The following NAPB variants were observed in gnomAD, a reference collection of about 807,000 sequenced individuals.
The protein encoded by NAPB is beta-soluble NSF attachment protein.
Under a neutral mutation model 44.7 loss-of-function variants are expected in NAPB, and 26 were observed. That is an observed-to-expected ratio of 0.58 (90% CI 0.43 to 0.81). NAPB has a LOEUF of 0.81. Among genes scored for constraint, NAPB ranks in the 30% least tolerant of loss-of-function variants. The probability of loss-of-function intolerance (pLI) is 0.00; values close to 1 mark genes in which losing one functional copy is unlikely to be tolerated. For synonymous variants in NAPB, 120 were observed against 116.8 expected (o/e 1.03, Z -0.18); for missense variants, 315 against 356.4 (o/e 0.88, Z 0.94).
At chr20:23,396,881 C>T (rs1409288883) in intron 3 of NAPB, 191 bp downstream of exon 3, 1 of 396,394 alleles carries the variant, frequency 2.5e-6, no homozygotes, top group African/African-American at 2.1e-5. Flanking sequence ...CATAATTTCT[C>T]CTCATAAAAG....
At chr20:23,381,135 AT>A in intron 8 of NAPB, 77 bp downstream of exon 8, 2 of 979,646 alleles carry the variant, frequency 2.0e-6, no homozygotes, top group Non-Finnish European at 3.3e-6. Context: ...TCAAAATGAA[AT>A]GATACCAAGA....
In NAPB at chr20:23,379,955, C is replaced by T; in HGVS notation, c.667-20G>A. 1 of 1,604,338 alleles carries T rather than the reference C, an allele frequency of 6.2e-7. No individual in the cohort carries two copies. The highest frequency in any genetic ancestry group is 8.5e-7 in the Non-Finnish European group (1 of 1,172,050). On this transcript the variant is annotated intron_variant, in intron 8 of 10. Coordinates refer to ENST00000377026, the MANE Select transcript of NAPB (RefSeq NM_022080.3). Reference sequence around the variant, plus strand: ...AGCAAGCTGAGAGAGAAAAACCACTCATCAATTTCAGACTTACTAAACAAA... The same window carrying T: ...AGCAAGCTGAGAGAGAAAAACCACTTATCAATTTCAGACTTACTAAACAAA...
chr20:23,387,116 C>T (rs1228956674), intron 7 of NAPB, among the ~76,000 whole-genome samples: 2 of 151,934 alleles, frequency 1.3e-5, no homozygotes, highest in Admixed American at 1.3e-4. Flanking sequence ...AAAAGTCTGA[C>T]AAATAAAGGA....
Position 23,395,003 on chromosome 20 carries a change from G to A in NAPB, c.343-4C>T. The stretch of plus-strand genomic sequence containing the variant: ...TGGCTGCAATTGTAAACCTTCCCTA[G>A]GGGAAAAAACAAGAAACAGTCACAC... On this transcript the variant is annotated splice_polypyrimidine_tract_variant and splice_region_variant and intron_variant, in intron 4 of 10. Transcript: ENST00000377026. 2 of 1,613,974 alleles carry A rather than the reference G, an allele frequency of 1.2e-6. No homozygotes were observed. Among genetic ancestry groups the A allele is most frequent in the Non-Finnish European group, 1.7e-6 (2 of 1,179,942 alleles).
chr20:23,405,313 AAG>A (rs71330888), intron 1 of NAPB, among the ~76,000 whole-genome samples: 4 of 140,112 alleles, frequency 2.9e-5, no homozygotes, highest in African/African-American at 2.5e-5. Context: ...GAGACAGAGA[AAG>A]AGAGAGAGAG....
intron 2 of NAPB, among the ~76,000 whole-genome samples, chr20:23,398,278 C>T (rs1354062620): frequency 6.6e-6 from 1 of 152,132 alleles, no homozygotes; most frequent in Admixed American, 6.5e-5. Flanking sequence ...TATCACAAAG[C>T]CTTTAGGTTT....
At chr20:23,382,288 C>G (rs956616906) in intron 7 of NAPB, among the ~76,000 whole-genome samples, 1 of 151,788 alleles carries the variant, frequency 6.6e-6, no homozygotes, top group African/African-American at 2.4e-5. Flanking sequence ...AATGAGGTAA[C>G]ATCCCCACCT....
intron 5 of NAPB, among the ~76,000 whole-genome samples, chr20:23,392,006 C>T (rs1983995265): frequency 6.6e-6 from 1 of 152,192 alleles, no homozygotes; most frequent in African/African-American, 2.4e-5. Context: ...GACAAGAAAA[C>T]AAATAAAACA....
In NAPB at chr20:23,379,688, A is replaced by G. The variant is rs568690976; in HGVS notation, c.735+179T>C. The G allele has an allele frequency of 1.6e-4, 104 of 665,922 alleles. No homozygotes were observed. In the African/African-American group the frequency reaches 1.8e-3, roughly 12 times the overall value. 41.3% of individuals were successfully genotyped at this position (665,922 alleles called of 1,614,324 possible). A position where few individuals can be genotyped will look rare whatever the true frequency, so the allele number is the denominator to read the frequency against. ...TCTCAGGTGCCTATTTCAGAACACA[A>G]CTACATGTTTCTGACCTTAATTGCA... On this transcript the variant is annotated intron_variant, in intron 9 of 10. Transcript: ENST00000377026.
chr20:23,399,815 T>C (rs948689671), intron 2 of NAPB, among the ~76,000 whole-genome samples: 1 of 152,234 alleles, frequency 6.6e-6, no homozygotes. Context: ...AAGAACGTAG[T>C]AATAGCTTGG....
chr20:23,411,528 A>G (rs1985653364), intron 1 of NAPB, among the ~76,000 whole-genome samples: 1 of 152,180 alleles, frequency 6.6e-6, no homozygotes, highest in East Asian at 1.9e-4. Context: ...AGCTGAAATG[A>G]CTGGTGGTGT....
Position 23,379,551 on chromosome 20 carries a change from A to C in NAPB, c.736-56T>G, listed in dbSNP as rs1292220821. ...TTCTGTAAGATGAAGTCCCATTTCT[A>C]AATATATACTTTAAGTATAATACCA... On this transcript the variant is annotated intron_variant, in intron 9 of 10. Coordinates refer to ENST00000377026, the MANE Select transcript of NAPB (RefSeq NM_022080.3). 3.8e-6 allele frequency: 5 copies of C among 1,306,094 alleles called. No homozygotes were observed. In the East Asian group the frequency reaches 1.2e-4, roughly 30 times the overall value. The allele number at this position is 1,306,094 out of a possible 1,614,324, so 80.9% of individuals were successfully genotyped here. A position where few individuals can be genotyped will look rare whatever the true frequency, so the allele number is the denominator to read the frequency against.
intron 2 of NAPB, among the ~76,000 whole-genome samples, chr20:23,401,914 A>G (rs1282830666): frequency 1.3e-5 from 2 of 152,168 alleles, no homozygotes; most frequent in Non-Finnish European, 2.9e-5. Flanking sequence ...TTAAGTAAGT[A>G]AATAAATAAG....
At chr20:23,399,072 G>A (rs1197436529) in intron 2 of NAPB, among the ~76,000 whole-genome samples, 3 of 151,870 alleles carry the variant, frequency 2.0e-5, no homozygotes, top group Non-Finnish European at 4.4e-5. Flanking sequence ...TTCTCATGTG[G>A]GTTTCTGAAC....
intron 1 of NAPB, among the ~76,000 whole-genome samples, chr20:23,421,088 G>C (rs743020): frequency 0.08 from 12,166 of 151,642 alleles, 643 homozygotes; most frequent in Admixed American, 0.13. Flanking sequence ...GTCTCTGGAG[G>C]GCGCGTGCGG....
chr20:23,389,818 C>T (rs1309755138), intron 7 of NAPB, 128 bp downstream of exon 7: 4 of 737,966 alleles, frequency 5.4e-6, no homozygotes, highest in Non-Finnish European at 6.8e-6. Context: ...TGTGAACAGA[C>T]TAAAAACCGC....
At chr20:23,385,059 C>A (rs1983373577) in intron 7 of NAPB, among the ~76,000 whole-genome samples, 1 of 151,950 alleles carries the variant, frequency 6.6e-6, no homozygotes. Flanking sequence ...GTAGAGGTTG[C>A]AGTGAGCCAA....
rs201749078 is a variant in NAPB at position 23,421,296 on chromosome 20, G to T, written c.98+9C>A. 34 of 1,551,470 alleles carry T rather than the reference G, an allele frequency of 2.2e-5. No homozygotes were observed. The African/African-American group carries it at 4.3e-4, about 19-fold the overall frequency. ...CCCCCCCCCAGGGCACGCACGGTCT[G>T]GCGCTCACCCAAACAGCCCTCGGAG... On this transcript the variant is annotated intron_variant, in intron 1 of 10. Transcript: ENST00000377026.
chr20:23,398,176 G>A (rs536456414), intron 2 of NAPB, among the ~76,000 whole-genome samples: 2 of 152,152 alleles, frequency 1.3e-5, no homozygotes, highest in South Asian at 4.1e-4. Context: ...ACACAGCAGA[G>A]TGCCTCTGAA....
Sources: gnomAD v4.1 joint callset for allele counts (sites outside exome capture counted in the v4.1 genomes callset) on GRCh38, gnomAD v4.1.1 for gene constraint, MANE v1.5 for transcripts, NCBI Gene and HGNC (gene_info 2026-07-23, HGNC 2026-07-21) for gene names.